The following BAZ1B variants were observed in gnomAD, a reference collection of about 807,000 sequenced individuals.
BAZ1B encodes the protein bromodomain adjacent to zinc finger domain 1B, also known as tyrosine-protein kinase BAZ1B.
BAZ1B carries 22 observed loss-of-function variants against 153.8 expected under a neutral mutation model. The ratio of observed to expected loss-of-function variants is 0.14; its 90% CI spans 0.10 to 0.20. BAZ1B has a LOEUF of 0.20. Ranked by LOEUF, BAZ1B falls within the 10% of genes least tolerant of loss-of-function variation. BAZ1B has a pLI of 1.00. For synonymous variants in BAZ1B, 676 were observed against 633.4 expected (o/e 1.07, Z -1.01); for missense variants, 1,325 against 1,799.3 (o/e 0.74, Z 4.77).
At chr7:73,453,576 A>G (rs1788090152) in intron 13 of BAZ1B, among the ~76,000 whole-genome samples, 1 of 152,256 alleles carries the variant, frequency 6.6e-6, no homozygotes, top group African/African-American at 2.4e-5. Context: ...AAACCTATGT[A>G]GTAGTAAGAC....
At chr7:73,513,028 C>T (rs1554578796) in intron 1 of BAZ1B, among the ~76,000 whole-genome samples, 1 of 152,128 alleles carries the variant, frequency 6.6e-6, no homozygotes, top group African/African-American at 2.4e-5. Flanking sequence ...GATCATGGCT[C>T]ACTGTAGCCT....
chr7:73,498,433 A>G (rs1790001407), intron 4 of BAZ1B, 64 bp downstream of exon 4: 2 of 1,456,362 alleles, frequency 1.4e-6, no homozygotes. Flanking sequence ...ACCCTAAAAG[A>G]TGTGTTCATA....
intron 15 of BAZ1B, among the ~76,000 whole-genome samples, chr7:73,447,958 G>A (rs1021564884): frequency 6.6e-6 from 1 of 152,192 alleles, no homozygotes; most frequent in Admixed American, 6.5e-5. Flanking sequence ...GAGTGCAAAA[G>A]AACCTGCTAA....
chr7:73,442,983 G>A (rs1256333676), intron 17 of BAZ1B, among the ~76,000 whole-genome samples, 155 bp from the exon 18 acceptor site: 3 of 152,234 alleles, frequency 2.0e-5, no homozygotes, highest in Admixed American at 1.3e-4. Context: ...AAGTCAGGGA[G>A]CACCCTCGGC....
intron 15 of BAZ1B, among the ~76,000 whole-genome samples, chr7:73,447,767 C>T (rs1360318150): frequency 6.6e-6 from 1 of 152,204 alleles, no homozygotes; most frequent in Non-Finnish European, 1.5e-5. Context: ...CTGAGGTAGA[C>T]TGAAAAGAAT....
intron 13 of BAZ1B, among the ~76,000 whole-genome samples, chr7:73,452,607 A>C (rs1788058932): frequency 6.6e-6 from 1 of 151,890 alleles, no homozygotes; most frequent in Non-Finnish European, 1.5e-5. Context: ...CTGTAGTCCC[A>C]GCTACTCGGG....
At position 73,489,101 on chromosome 7, in the gene BAZ1B, AG is replaced by A; in HGVS notation, c.891+92del. The stretch of plus-strand genomic sequence containing the variant: ...TTTTTAATTCATTATCTGATGTTAG[AG>A]TTCAAAACCTGCTATAAATATAAAT... On this transcript the variant is annotated intron_variant, in intron 6 of 19. Transcript: ENST00000339594. 10 of 1,292,388 alleles carry A rather than the reference AG, an allele frequency of 7.7e-6. No individual in the cohort carries two copies. The South Asian group carries it at 1.4e-4, about 18-fold the overall frequency. 80.1% of individuals were successfully genotyped at this position (1,292,388 alleles called of 1,614,324 possible).
At chr7:73,481,947 G>A (rs1789218612) in intron 6 of BAZ1B, among the ~76,000 whole-genome samples, 1 of 152,162 alleles carries the variant, frequency 6.6e-6, no homozygotes, top group Non-Finnish European at 1.5e-5. Context: ...GCTGAGGCAG[G>A]AGAATGGCGT....
chr7:73,520,757 T>C (rs1164694493), intron 1 of BAZ1B, among the ~76,000 whole-genome samples: 2 of 152,304 alleles, frequency 1.3e-5, no homozygotes, highest in East Asian at 3.9e-4. Flanking sequence ...GAAATAACTC[T>C]GAGAGACACT....
intron 12 of BAZ1B, among the ~76,000 whole-genome samples, chr7:73,460,192 GAAAAAAAAAAAAA>G (rs782211272): frequency 9.5e-5 from 7 of 73,872 alleles, no homozygotes; most frequent in East Asian, 4.3e-4. Context: ...CCGTCTCAGG[GAAAAAAAAAAAAA>G]AAAAAAAAAA....
At chr7:73,515,430 G>T (rs1554579161) in intron 1 of BAZ1B, among the ~76,000 whole-genome samples, 1 of 151,720 alleles carries the variant, frequency 6.6e-6, no homozygotes, top group Non-Finnish European at 1.5e-5. Flanking sequence ...CTTCCCGGAA[G>T]AGGCTTAAAG....
chr7:73,458,674 C>CAAAAA (rs11385760), intron 13 of BAZ1B, among the ~76,000 whole-genome samples: 1 of 133,854 alleles, frequency 7.5e-6, no homozygotes, highest in Non-Finnish European at 1.6e-5. Context: ...ACTCTTTCTC[C>CAAAAA]AAAAAAAAAA....
intron 13 of BAZ1B, among the ~76,000 whole-genome samples, chr7:73,455,055 CT>C (rs1242520147): frequency 5.3e-4 from 76 of 144,308 alleles, no homozygotes; most frequent in Non-Finnish European, 4.3e-4. Context: ...TGCATTTTTT[CT>C]TTTTTTTTTT....
chr7:73,459,218 A>G (rs1273231489), intron 13 of BAZ1B, among the ~76,000 whole-genome samples: 1 of 151,652 alleles, frequency 6.6e-6, no homozygotes, highest in Admixed American at 6.6e-5. Flanking sequence ...ACTGCACTCC[A>G]GCCTGGTGAC....
Position 73,478,096 on chromosome 7 carries a change from C to T in BAZ1B, c.1365G>A (p.Arg455=). 1.2e-6 allele frequency: 2 copies of T among 1,614,218 alleles called. No homozygotes were observed. The highest frequency in any genetic ancestry group is 1.7e-6 in the Non-Finnish European group (2 of 1,180,042). The change falls in exon 7 of 20, where the codon CGG becomes CGA. Residue 455 remains arginine, a synonymous_variant. Coordinates refer to ENST00000339594, the MANE Select transcript of BAZ1B (RefSeq NM_032408.4). Reference sequence around the variant, plus strand: ...AGGTCCTAGGTGTACCCCCAGAATTCCGTGGGGCTCGTGTCATCTTCTGCG... The same window carrying T: ...AGGTCCTAGGTGTACCCCCAGAATTTCGTGGGGCTCGTGTCATCTTCTGCG... ...KGTQKMTRAP[R]NSGGTPRTSS... is the part of the protein sequence containing the mutation.
intron 5 of BAZ1B, among the ~76,000 whole-genome samples, chr7:73,490,192 T>C (rs1789580172): frequency 6.6e-6 from 1 of 152,070 alleles, no homozygotes; most frequent in Admixed American, 6.6e-5. Context: ...GCAGTAGAGG[T>C]TAGGAATCAA....
intron 1 of BAZ1B, among the ~76,000 whole-genome samples, chr7:73,515,272 A>G (rs1471608764): frequency 1.3e-5 from 2 of 152,128 alleles, no homozygotes; most frequent in African/African-American, 4.8e-5. Flanking sequence ...CCTCCTTTCC[A>G]TAAGAGGATT....
intron 6 of BAZ1B, among the ~76,000 whole-genome samples, chr7:73,485,433 C>A (rs972878544): frequency 1.3e-5 from 2 of 151,820 alleles, no homozygotes; most frequent in Non-Finnish European, 2.9e-5. Context: ...CCAGCATGGG[C>A]AAGAGTGAGA....
intron 6 of BAZ1B, among the ~76,000 whole-genome samples, chr7:73,486,745 A>G (rs1275690895): frequency 6.6e-6 from 1 of 152,238 alleles, no homozygotes; most frequent in African/African-American, 2.4e-5. Context: ...CAGAGAGAGA[A>G]AACATCCCAT....
Sources: gnomAD v4.1 joint callset for allele counts (sites outside exome capture counted in the v4.1 genomes callset) on GRCh38, gnomAD v4.1.1 for gene constraint, MANE v1.5 for transcripts, NCBI Gene and HGNC (gene_info 2026-07-23, HGNC 2026-07-21) for gene names.